SPINK7: variants seen among roughly 807,000 people sequenced by gnomAD.
SPINK7 encodes the protein serine peptidase inhibitor Kazal type 7.
SPINK7 carries 8 observed loss-of-function variants against 11.6 expected under a neutral mutation model. The observed-to-expected ratio is 0.69, with a 90% confidence interval of 0.41 to 1.25. SPINK7 has a LOEUF of 1.25. Ranked by LOEUF, SPINK7 falls within the 50% of genes most tolerant of loss-of-function variation. The pLI, the probability that SPINK7 is intolerant of heterozygous loss-of-function variation, is 0.01. For missense variants in SPINK7, 113 were observed against 99.3 expected, an observed-to-expected ratio of 1.14 and a Z score of -0.58; for synonymous variants, 38 against 35.3, an observed-to-expected ratio of 1.08 and a Z score of -0.27.
At chr5:148,314,354 G>C in intron 3 of SPINK7, 130 bp downstream of exon 3, 1 of 1,081,610 alleles carries the variant, frequency 9.2e-7, no homozygotes, top group East Asian at 2.5e-5. Context: ...AGAACAGCAG[G>C]TGGGGATAGA....
rs1477666142 is a variant in SPINK7, at chr5:148,314,169, T to C, written c.157T>C (p.Cys53Arg). 1.9e-6 allele frequency: 3 copies of C among 1,613,724 alleles called. No homozygotes were observed. The highest frequency in any genetic ancestry group is 8.5e-7 in the Non-Finnish European group (1 of 1,179,816). The change falls in exon 3 of 4, where the codon TGT becomes CGT. Residue 53 changes from cysteine (C) to arginine (R), a missense_variant. Physicochemically the swap from Cys to Arg is radical, Grantham distance 180. Transcript: ENST00000274565. Reference sequence around the variant, plus strand: ...CTGCCCCATCACATACCTACCAGTTTGTGGTTCTGACTACATCACCTATGG... The same window carrying C: ...CTGCCCCATCACATACCTACCAGTTCGTGGTTCTGACTACATCACCTATGG... ...IPCPITYLPV[C>R]GSDYITYGNE...
chr5:148,315,842 A>T lies in SPINK7; in HGVS notation c.*158A>T. On this transcript the variant is annotated 3_prime_UTR_variant, in exon 4 of 4. Coordinates refer to ENST00000274565, the MANE Select transcript of SPINK7 (RefSeq NM_032566.3). Reference sequence around the variant, plus strand: ...ACTGAATGGAGAAAGTTTCTGTGCTACCCCTACAAACCCATGCCTCACTGA... The same window carrying T: ...ACTGAATGGAGAAAGTTTCTGTGCTTCCCCTACAAACCCATGCCTCACTGA... 2 of 470,090 alleles carry T rather than the reference A, an allele frequency of 4.3e-6. No homozygotes were observed. Among genetic ancestry groups the T allele is most frequent in the East Asian group, 3.0e-5 (1 of 33,578 alleles). The allele number at this position is 470,090 out of a possible 1,614,324, so 29.1% of individuals were successfully genotyped here.
Position 148,312,558 on chromosome 5 carries a change from A to ACT in SPINK7, c.61+14_61+15insCT. 1 of 1,542,066 alleles carries ACT rather than the reference A, an allele frequency of 6.5e-7. No homozygotes were observed. The highest frequency in any genetic ancestry group is 8.9e-7 in the Non-Finnish European group (1 of 1,117,536). ...GTAGCAGCTCAGGTAAGTTAAGGTC[A>ACT]GACAGTGCCCTATATAGCCATTAAG... On this transcript the variant is annotated intron_variant, in intron 1 of 3. Transcript: ENST00000274565.
At chr5:148,314,057 G>T in intron 2 of SPINK7, 43 bp from the exon 3 acceptor site, 1 of 1,612,436 alleles carries the variant, frequency 6.2e-7, no homozygotes, top group Non-Finnish European at 8.5e-7. Flanking sequence ...GCCTAGCTTG[G>T]GGTCTGGGAG....
chr5:148,313,735 C>G, intron 2 of SPINK7: 1 of 425,064 alleles, frequency 2.4e-6, no homozygotes, highest in Non-Finnish European at 4.2e-6. Flanking sequence ...CCTAACTCTA[C>G]TACTTACCAG....
chr5:148,313,435 T>C (rs781207544), intron 2 of SPINK7, 36 bp downstream of exon 2: 9 of 1,499,308 alleles, frequency 6.0e-6, no homozygotes. Context: ...TGTCAATAAC[T>C]ATTGACTGTC....
chr5:148,314,185 T>A lies in SPINK7; in HGVS notation c.173T>A (p.Ile58Asn). The part of the protein sequence containing the change: ...TYLPVCGSDY[I>N]TYGNECHLCT... ...CTACCAGTTTGTGGTTCTGACTACA[T>A]CACCTATGGGAATGAATGTCACTTG... The change falls in exon 3 of 4, where the codon ATC becomes AAC. Residue 58 changes from isoleucine (I) to asparagine (N), a missense_variant. Physicochemically the swap from Ile to Asn is moderately radical, Grantham distance 149 (BLOSUM62 -3). Transcript: ENST00000274565. 6.2e-7 allele frequency: 1 copy of A among 1,613,752 alleles called. No homozygotes were observed. The highest frequency in any genetic ancestry group is 8.5e-7 in the Non-Finnish European group (1 of 1,179,744).
chr5:148,313,968 C>A, intron 2 of SPINK7, 132 bp from the exon 3 acceptor site: 1 of 1,059,738 alleles, frequency 9.4e-7, no homozygotes. Flanking sequence ...AGTGATAACA[C>A]TAGTACTTAA....
chr5:148,312,643 G>T, intron 1 of SPINK7, 99 bp downstream of exon 1: 1 of 714,490 alleles, frequency 1.4e-6, no homozygotes, highest in Non-Finnish European at 2.4e-6. Flanking sequence ...CTGGTTGTAA[G>T]AATTTAAAGT....
At chr5:148,313,318 A>G (rs1581178496) in intron 1 of SPINK7, 56 bp from the exon 2 acceptor site, 2 of 1,361,614 alleles carry the variant, frequency 1.5e-6, no homozygotes, top group East Asian at 2.3e-5. Flanking sequence ...TATATTAATT[A>G]ATGAGATTTA....
At chr5:148,314,072 A>G (rs1199951881) in intron 2 of SPINK7, 28 bp from the exon 3 acceptor site, 2 of 1,613,454 alleles carry the variant, frequency 1.2e-6, no homozygotes, top group Non-Finnish European at 1.7e-6. Flanking sequence ...TGGGAGAAAA[A>G]CAGGACATTT....
chr5:148,315,146 G>C (rs1384521844), intron 3 of SPINK7, among the ~76,000 whole-genome samples: 1 of 152,114 alleles, frequency 6.6e-6, no homozygotes, highest in Non-Finnish European at 1.5e-5. Context: ...ACATGTCTAT[G>C]TATTTATTCC....
At chr5:148,314,731 G>A (rs942693479) in intron 3 of SPINK7, among the ~76,000 whole-genome samples, 1 of 152,004 alleles carries the variant, frequency 6.6e-6, no homozygotes, top group Non-Finnish European at 1.5e-5. Flanking sequence ...CATCCTCACT[G>A]CAGCTTGATT....
chr5:148,313,758 A>G lies in SPINK7; in HGVS notation c.88-342A>G, dbSNP rs1756892627. On this transcript the variant is annotated intron_variant, in intron 2 of 3. Coordinates refer to ENST00000274565, the MANE Select transcript of SPINK7 (RefSeq NM_032566.3). ...TACTACTTACCAGCATTTATCTTCA[A>G]CAAGTTATCTCTATTTCTAAGCTTT... The G allele has an allele frequency of 6.8e-6, 3 of 438,470 alleles. No individual in the cohort carries two copies. The South Asian group carries it at 1.6e-4, about 24-fold the overall frequency. 27.2% of individuals were successfully genotyped at this position (438,470 alleles called of 1,614,324 possible).
chr5:148,313,907 A>G (rs1756894848), intron 2 of SPINK7, 193 bp from the exon 3 acceptor site: 3 of 647,492 alleles, frequency 4.6e-6, no homozygotes, highest in Non-Finnish European at 7.9e-6. Context: ...GCAATTGTTA[A>G]CTGAGTGTAG....
rs778839144 is a variant in SPINK7, at chr5:148,313,359, G to A, written c.62-15G>A. 21 of 1,596,354 alleles carry A rather than the reference G, an allele frequency of 1.3e-5. 1 individual carries two copies. The South Asian group carries it at 1.8e-4, about 14-fold the overall frequency. ...TGCTTTACTTTTAACATCTTCATCT[G>A]TATCTCTTTTTCAGAAGCTGCTAGT... is the stretch of plus-strand genomic sequence containing the variant. On this transcript the variant is annotated splice_polypyrimidine_tract_variant and intron_variant, in intron 1 of 3. Transcript: ENST00000274565.
rs1756885646 is a variant in SPINK7 at position 148,313,384 on chromosome 5, T to C, written c.72T>C (p.Ser24=). The C allele has an allele frequency of 2.5e-6, 4 of 1,603,172 alleles. No individual in the cohort carries two copies. The highest frequency in any genetic ancestry group is 3.4e-6 in the Non-Finnish European group (4 of 1,172,988). The change falls in exon 2 of 4, where the codon AGT becomes AGC. Residue 24 remains serine (S), a synonymous_variant. Transcript: ENST00000274565. ...VYFCSSSEAA[S]LSPKKVDCSI... ...GTATCTCTTTTTCAGAAGCTGCTAGTCTGTCTCCAAAAAAAGTAAGTATGT... is the reference window on the plus strand; with the variant it reads ...GTATCTCTTTTTCAGAAGCTGCTAGCCTGTCTCCAAAAAAAGTAAGTATGT...
At chr5:148,314,388 C>T (rs368953735) in intron 3 of SPINK7, 164 bp downstream of exon 3, 2 of 734,470 alleles carry the variant, frequency 2.7e-6, no homozygotes, top group South Asian at 1.8e-5. Flanking sequence ...CACAATCAGA[C>T]AGGGTAGAGT....
At chr5:148,313,286 A>C in intron 1 of SPINK7, 88 bp from the exon 2 acceptor site, 1 of 980,868 alleles carries the variant, frequency 1.0e-6, no homozygotes, top group Non-Finnish European at 1.5e-6. Flanking sequence ...GGAAATGTAG[A>C]GTAATTATAT....
Sources: allele counts gnomAD v4.1 joint callset (sites outside exome capture counted in the v4.1 genomes callset), GRCh38; gene constraint gnomAD v4.1.1; transcripts MANE v1.5; gene names NCBI Gene and HGNC (gene_info 2026-07-23, HGNC 2026-07-21).